BRCA1: variants seen among roughly 807,000 people sequenced by gnomAD.
BRCA1 encodes the protein BRCA1 DNA repair associated.
Under a neutral mutation model 173.7 loss-of-function variants are expected in BRCA1, and 140 were observed. That is an observed-to-expected ratio of 0.81 (90% CI 0.70 to 0.93). The LOEUF is 0.93. Among genes scored for constraint, BRCA1 ranks in the 40% least tolerant of loss-of-function variants. BRCA1 has a pLI of 0.00. For synonymous variants in BRCA1, 662 were observed against 756.0 expected (o/e 0.88, Z 2.04); for missense variants, 1,983 against 2,172.5 (o/e 0.91, Z 1.73).
intron 1 of BRCA1, chr17:43,167,370 T>G (rs2056274820): frequency 6.6e-6 from 1 of 152,152 alleles, no homozygotes; most frequent in African/African-American, 2.4e-5. Flanking sequence ...CCTGTCCCTT[T>G]TAAGGGCTCA....
chr17:43,108,565 C>T (rs539719696), intron 3 of BRCA1, among the ~76,000 whole-genome samples: 42 of 149,834 alleles, frequency 2.8e-4, no homozygotes, highest in African/African-American at 9.3e-4. Context: ...ATTAGCCAGG[C>T]GTGGTGGGCA....
At position 43,092,756 on chromosome 17, in the gene BRCA1, G is replaced by A. The variant is rs786201104; in HGVS notation, c.2775C>T (p.Ile925=). Residue 925 remains isoleucine (I), a synonymous_variant, in exon 10 of 23, where the codon ATC becomes ATT. Transcript: ENST00000357654. The part of the protein sequence containing the change: ...SNIKPVQTVN[I]TAGFPVVGQK... ...GACCAACCACAGGAAAGCCTGCAGT[G>A]ATATTAACTGTCTGTACAGGCTTGA... 3 of 1,613,908 alleles carry A rather than the reference G, an allele frequency of 1.9e-6. No individual in the cohort carries two copies. Among genetic ancestry groups the A allele is most frequent in the African/African-American group, 2.7e-5 (2 of 74,904 alleles).
intron 4 of BRCA1, among the ~76,000 whole-genome samples, chr17:43,105,704 C>T (rs1366712768): frequency 6.6e-6 from 1 of 152,184 alleles, no homozygotes; most frequent in East Asian, 1.9e-4. Flanking sequence ...ACAATTCATT[C>T]ATTCCTTTAA....
intron 1 of BRCA1, chr17:43,144,602 G>A (rs1331716239): frequency 6.1e-6 from 1 of 164,320 alleles, no homozygotes; most frequent in Non-Finnish European, 1.4e-5. Context: ...TGGGCCGCCA[G>A]CTTCAGTCCT....
chr17:43,046,398 T>C (rs965215392), intron 22 of BRCA1, among the ~76,000 whole-genome samples: 3 of 151,600 alleles, frequency 2.0e-5, no homozygotes, highest in African/African-American at 7.3e-5. Flanking sequence ...GCCAGGCTAA[T>C]TGTTTTTTCT....
upstream of BRCA1, among the ~76,000 whole-genome samples, chr17:43,126,762 G>A (rs538334824): frequency 6.1e-4 from 92 of 150,564 alleles, no homozygotes; most frequent in African/African-American, 2.2e-3. Context: ...CCTTCAGCCC[G>A]CCACTGCGCT....
chr17:43,079,179 A>AAAAAC lies in BRCA1; in HGVS notation c.4358-2570_4358-2566dup, dbSNP rs1207247826. ...ACAAAAGTGAAACTTCATCTCAAAC[A>AAAAAC]AAAACAAAACAAAACAAAACAAAAA... On this transcript the variant is annotated intron_variant, in intron 12 of 22. Coordinates refer to ENST00000357654, the MANE Select transcript of BRCA1 (RefSeq NM_007294.4). 2.1e-5 allele frequency: 15 copies of AAAAAC among 702,364 alleles called. No homozygotes were observed. In the South Asian group the frequency reaches 2.3e-4, roughly 11 times the overall value. 43.5% of individuals were successfully genotyped at this position (702,364 alleles called of 1,614,324 possible). A position where few individuals can be genotyped will look rare whatever the true frequency, so the allele number is the denominator to read the frequency against.
intron 15 of BRCA1, among the ~76,000 whole-genome samples, chr17:43,069,975 C>G (rs746489632): frequency 2.0e-5 from 3 of 152,066 alleles, no homozygotes; most frequent in Non-Finnish European, 4.4e-5. Context: ...CTCTTGTTGC[C>G]CAGGCTGGAG....
intron 1 of BRCA1, among the ~76,000 whole-genome samples, chr17:43,133,393 C>G (rs1453127453): frequency 6.6e-6 from 1 of 152,072 alleles, no homozygotes; most frequent in East Asian, 1.9e-4. Flanking sequence ...CGTAGAGTGA[C>G]TCTTTAGGGG....
At chr17:43,165,034 A>C (rs1165855254) in intron 1 of BRCA1, among the ~76,000 whole-genome samples, 1 of 152,190 alleles carries the variant, frequency 6.6e-6, no homozygotes, top group Non-Finnish European at 1.5e-5. Context: ...TTTTACATTT[A>C]ACAGTGCTTC....
intron 1 of BRCA1, among the ~76,000 whole-genome samples, chr17:43,137,365 G>T (rs569276993): frequency 1.3e-5 from 2 of 151,098 alleles, no homozygotes; most frequent in Non-Finnish European, 2.9e-5. Context: ...AACATGACAC[G>T]TGTATACCTA....
intron 10 of BRCA1, 53 bp downstream of exon 10, chr17:43,091,382 T>C (rs2053464889): frequency 6.2e-7 from 1 of 1,602,774 alleles, no homozygotes; most frequent in African/African-American, 1.3e-5. Flanking sequence ...CATAAACATT[T>C]AGCTCACTTC....
intron 16 of BRCA1, 133 bp downstream of exon 16, chr17:43,067,475 C>G (rs1053744651): frequency 2.9e-6 from 2 of 691,476 alleles, no homozygotes; most frequent in Non-Finnish European, 5.2e-6. Context: ...AGGATGGTCT[C>G]GATCTCCTAA....
intron 1 of BRCA1, chr17:43,166,442 G>T (rs890406908): frequency 1.3e-5 from 2 of 152,084 alleles, no homozygotes; most frequent in Admixed American, 1.3e-4. Context: ...ACCTGTCCAG[G>T]CTTCCTTCTA....
intron 21 of BRCA1, 108 bp downstream of exon 21, chr17:43,049,013 G>T: frequency 9.4e-7 from 1 of 1,063,588 alleles, no homozygotes; most frequent in Non-Finnish European, 1.4e-6. Flanking sequence ...GGGCAGAGAA[G>T]ACTTCTGAGG....
At chr17:43,116,260 G>A (rs1214777276) in intron 2 of BRCA1, among the ~76,000 whole-genome samples, 5 of 151,982 alleles carry the variant, frequency 3.3e-5, no homozygotes, top group Admixed American at 2.6e-4. Flanking sequence ...AAAATTTCAA[G>A]TAAATAAAAT....
intron 13 of BRCA1, 62 bp from the exon 14 acceptor site, chr17:43,074,583 T>C: frequency 1.3e-6 from 2 of 1,481,876 alleles, no homozygotes; most frequent in Non-Finnish European, 1.9e-6. Context: ...AAATCATACT[T>C]GCTGGGCAGC....
At chr17:43,063,430 C>T (rs1216136190) in intron 17 of BRCA1, 57 bp from the exon 18 acceptor site, 10 of 1,440,260 alleles carry the variant, frequency 6.9e-6, no homozygotes, top group East Asian at 2.3e-5. Flanking sequence ...GCTCTTTTCA[C>T]GGAGATAGAG....
intron 6 of BRCA1, among the ~76,000 whole-genome samples, chr17:43,101,628 G>A (rs892739738): frequency 3.3e-5 from 5 of 151,954 alleles, no homozygotes; most frequent in African/African-American, 9.7e-5. Context: ...TCCGCCTCCC[G>A]AGTAGCTGGG....
Sources: gnomAD v4.1 joint callset for allele counts (sites outside exome capture counted in the v4.1 genomes callset) on GRCh38, gnomAD v4.1.1 for gene constraint, MANE v1.5 for transcripts, NCBI Gene and HGNC (gene_info 2026-07-23, HGNC 2026-07-21) for gene names.